The following STK32B variants were observed in gnomAD, a reference collection of about 807,000 sequenced individuals.
The protein encoded by STK32B is serine/threonine-protein kinase 32B.
Under a neutral mutation model 52.6 loss-of-function variants are expected in STK32B, and 43 were observed. The observed-to-expected ratio is 0.82, with a 90% CI of 0.64 to 1.05. The LOEUF (loss-of-function observed/expected upper bound fraction) is 1.05, where lower values mean the gene tolerates loss of function less well. Ranked by LOEUF, STK32B falls within the 50% of genes least tolerant of loss-of-function variation. The probability of loss-of-function intolerance (pLI) is 0.00; values close to 1 mark genes in which losing one functional copy is unlikely to be tolerated. For missense variants in STK32B, 621 were observed against 534.6 expected, an observed-to-expected ratio of 1.16 and a Z score of -1.59; for synonymous variants, 238 against 204.3, an observed-to-expected ratio of 1.17 and a Z score of -1.41.
At chr4:5,393,413 T>C (rs1005257477) in intron 4 of STK32B, among the ~76,000 whole-genome samples, 1 of 152,192 alleles carries the variant, frequency 6.6e-6, no homozygotes, top group African/African-American at 2.4e-5. Context: ...TCCATTCTCA[T>C]GTTGTTATAA....
intron 1 of STK32B, among the ~76,000 whole-genome samples, chr4:5,115,908 T>G (rs1714689242): frequency 6.6e-6 from 1 of 152,194 alleles, no homozygotes; most frequent in Non-Finnish European, 1.5e-5. Flanking sequence ...CTTTCCGAGC[T>G]TCAGTCATCT....
At chr4:5,421,255 AT>A (rs574377364) in intron 6 of STK32B, among the ~76,000 whole-genome samples, 1 of 151,446 alleles carries the variant, frequency 6.6e-6, no homozygotes, top group Non-Finnish European at 1.5e-5. Context: ...ACGCCTGGCT[AT>A]TTTTTTTGTA....
chr4:5,415,213 T>A (rs577752803), intron 5 of STK32B, among the ~76,000 whole-genome samples: 12 of 152,350 alleles, frequency 7.9e-5, no homozygotes, highest in African/African-American at 2.6e-4. Flanking sequence ...GCTTCTCTAC[T>A]TTCTGCATGT....
chr4:5,483,927 G>C (rs1368776119), intron 11 of STK32B, among the ~76,000 whole-genome samples: 1 of 152,088 alleles, frequency 6.6e-6, no homozygotes, highest in East Asian at 1.9e-4. Context: ...CTGAGTTCTA[G>C]TTTGATTGCA....
intron 3 of STK32B, among the ~76,000 whole-genome samples, chr4:5,270,666 A>G (rs1369973396): frequency 6.6e-6 from 1 of 152,210 alleles, no homozygotes; most frequent in Non-Finnish European, 1.5e-5. Context: ...CACTCTCACT[A>G]CTTTCAGTAA....
intron 3 of STK32B, among the ~76,000 whole-genome samples, chr4:5,314,353 C>G (rs1175128394): frequency 6.6e-6 from 1 of 152,120 alleles, no homozygotes; most frequent in Non-Finnish European, 1.5e-5. Context: ...TGAACCATCA[C>G]CAAACCTCAT....
chr4:5,438,799 G>A (rs1714393171), intron 6 of STK32B, among the ~76,000 whole-genome samples: 1 of 152,102 alleles, frequency 6.6e-6, no homozygotes, highest in Admixed American at 6.5e-5. Context: ...TCCCCTTCCT[G>A]TGTCCATGTG....
chr4:5,192,175 A>C (rs573261661), intron 3 of STK32B, among the ~76,000 whole-genome samples: 1 of 152,350 alleles, frequency 6.6e-6, no homozygotes, highest in East Asian at 1.9e-4. Context: ...TCACATTGCA[A>C]GGTCCTGAGT....
At chr4:5,498,731 G>C (rs1057197654) in intron 11 of STK32B, among the ~76,000 whole-genome samples, 2 of 152,220 alleles carry the variant, frequency 1.3e-5, no homozygotes, top group African/African-American at 4.8e-5. Flanking sequence ...TATGCATTAA[G>C]TAACTCACCC....
At chr4:5,324,144 G>A (rs545470855) in intron 3 of STK32B, among the ~76,000 whole-genome samples, 39 of 152,262 alleles carry the variant, frequency 2.6e-4, no homozygotes, top group Admixed American at 4.6e-4. Context: ...ACTTGAGGTC[G>A]GGAGTTCAAG....
intron 2 of STK32B, among the ~76,000 whole-genome samples, chr4:5,167,419 C>T (rs890289615): frequency 6.6e-6 from 1 of 152,072 alleles, no homozygotes; most frequent in African/African-American, 2.4e-5. Context: ...GTGCTCAATA[C>T]AGGACCACTG....
At chr4:5,071,784 C>G (rs1406160020) in intron 1 of STK32B, among the ~76,000 whole-genome samples, 1 of 152,166 alleles carries the variant, frequency 6.6e-6, no homozygotes, top group Non-Finnish European at 1.5e-5. Context: ...TGTTTCTGAT[C>G]TTTCTGAGGT....
At chr4:5,196,281 G>T (rs1023440068) in intron 3 of STK32B, among the ~76,000 whole-genome samples, 3 of 147,564 alleles carry the variant, frequency 2.0e-5, no homozygotes, top group Admixed American at 2.0e-4. Flanking sequence ...ACCCCGCGAG[G>T]TTCTCTTCTT....
chr4:5,042,670 T>C, the STK32B span, among the ~76,000 whole-genome samples: 1 of 152,322 alleles, frequency 6.6e-6, no homozygotes, highest in East Asian at 1.9e-4. Context: ...CTTGTCATCC[T>C]TTGCATACCT....
chr4:5,492,675 C>T lies in STK32B; in HGVS notation c.1107-6270C>T, dbSNP rs550419475. ...TGCCAGTTTTCAAAGGGAATGCTTCCAGTTTTTGCCCATTCAGTATGATAT... is the reference window on the plus strand; with the variant it reads ...TGCCAGTTTTCAAAGGGAATGCTTCTAGTTTTTGCCCATTCAGTATGATAT... On this transcript the variant is annotated intron_variant, in intron 11 of 11. Transcript: ENST00000282908. Among the ~76,000 whole-genome samples, 33 of 150,952 alleles carry T rather than the reference C, an allele frequency of 2.2e-4. 1 individual carries two copies. The highest frequency in any genetic ancestry group is 7.4e-4 in the African/African-American group (30 of 40,572).
chr4:5,369,118 C>A (rs1367023641), intron 4 of STK32B, among the ~76,000 whole-genome samples: 1 of 151,894 alleles, frequency 6.6e-6, no homozygotes, highest in East Asian at 2.0e-4. Flanking sequence ...TCTAAGAACT[C>A]CTTGAAGATC....
intron 3 of STK32B, among the ~76,000 whole-genome samples, chr4:5,317,051 A>T (rs867218428): frequency 1.1e-4 from 4 of 35,888 alleles, no homozygotes; most frequent in African/African-American, 3.5e-4. Flanking sequence ...TTATATATAT[A>T]ATATATATGA....
rs757423144 is a variant in STK32B at position 5,498,954 on chromosome 4, G to A, written c.1116G>A (p.Arg372=). 10 of 1,612,038 alleles carry A rather than the reference G, an allele frequency of 6.2e-6. No individual in the cohort carries two copies. The South Asian group carries it at 6.6e-5, about 11-fold the overall frequency. ...CTGTGCTTGTTTGCAGGCTCAGGAG[G>A]CAGCAGGGACAGGGCAGCCAGCTCT... ...FIIFNREKLR[R]QQGQGSQLLD... The change falls in exon 12 of 12, where the codon AGG becomes AGA. Residue 372 remains arginine, a synonymous_variant. Coordinates refer to ENST00000282908, the MANE Select transcript of STK32B (RefSeq NM_018401.3).
At chr4:5,191,577 TTGG>T (rs1446338102) in intron 3 of STK32B, among the ~76,000 whole-genome samples, 1 of 152,094 alleles carries the variant, frequency 6.6e-6, no homozygotes, top group East Asian at 1.9e-4. Context: ...TTTTAACTTG[TTGG>T]TGTTCTACAT....
Sources: allele counts gnomAD v4.1 joint callset (sites outside exome capture counted in the v4.1 genomes callset), GRCh38; gene constraint gnomAD v4.1.1; transcripts MANE v1.5; gene names NCBI Gene and HGNC (gene_info 2026-07-23, HGNC 2026-07-21).